NEGR1: variants seen among roughly 807,000 people sequenced by gnomAD.
NEGR1 encodes the protein IgLON family member 4.
In NEGR1, 10 loss-of-function variants were observed where a neutral mutation model predicts 40.9. The observed-to-expected ratio is 0.24, with a 90% CI of 0.15 to 0.42. The LOEUF (loss-of-function observed/expected upper bound fraction) is 0.42, where lower values mean the gene tolerates loss of function less well. NEGR1 is among the 10% of genes least tolerant of loss of function. The pLI is 1.00. For synonymous variants in NEGR1, 185 were observed against 166.8 expected, an observed-to-expected ratio of 1.11 and a Z score of -0.84; for missense variants, 352 against 438.9, an observed-to-expected ratio of 0.80 and a Z score of 1.77.
At chr1:72,133,874 A>G (rs972191109) in intron 1 of NEGR1, among the ~76,000 whole-genome samples, 2 of 151,870 alleles carry the variant, frequency 1.3e-5, no homozygotes, top group South Asian at 4.1e-4. Flanking sequence ...ATCGAGTTTT[A>G]CAGTACTATT....
At chr1:71,699,610 G>A (rs1206987813) in intron 3 of NEGR1, among the ~76,000 whole-genome samples, 1 of 151,688 alleles carries the variant, frequency 6.6e-6, no homozygotes. Context: ...AAATTATAAA[G>A]AGTAAGGATG....
At chr1:72,272,084 T>C (rs1655866049) in intron 1 of NEGR1, among the ~76,000 whole-genome samples, 1 of 152,038 alleles carries the variant, frequency 6.6e-6, no homozygotes, top group Non-Finnish European at 1.5e-5. Context: ...TTTTCAGTTA[T>C]GTAATAAATT....
At chr1:71,430,241 T>C (rs1163111260) in intron 6 of NEGR1, among the ~76,000 whole-genome samples, 1 of 152,144 alleles carries the variant, frequency 6.6e-6, no homozygotes, top group Non-Finnish European at 1.5e-5. Context: ...ACACGTTTCC[T>C]TTCTGCTCTT....
intron 6 of NEGR1, among the ~76,000 whole-genome samples, chr1:71,478,007 T>C (rs1646832699): frequency 6.6e-6 from 1 of 152,068 alleles, no homozygotes; most frequent in Non-Finnish European, 1.5e-5. Flanking sequence ...GTGTTTTCTT[T>C]CCCAATAAGC....
At chr1:71,639,218 A>AG (rs914340945) in intron 4 of NEGR1, among the ~76,000 whole-genome samples, 7 of 151,724 alleles carry the variant, frequency 4.6e-5, no homozygotes, top group Non-Finnish European at 1.0e-4. Flanking sequence ...AAAAAAAAAA[A>AG]AAAAACAGGA....
chr1:71,524,901 G>T (rs1341470589), intron 6 of NEGR1, among the ~76,000 whole-genome samples: 1 of 151,718 alleles, frequency 6.6e-6, no homozygotes, highest in Non-Finnish European at 1.5e-5. Flanking sequence ...ATGAGCAAAA[G>T]AACATGGACA....
chr1:72,121,072 A>C (rs1006832177), intron 1 of NEGR1, among the ~76,000 whole-genome samples: 4 of 152,048 alleles, frequency 2.6e-5, no homozygotes, highest in Non-Finnish European at 4.4e-5. Context: ...TTCACAGTGT[A>C]GTCATTTTCT....
intron 1 of NEGR1, among the ~76,000 whole-genome samples, chr1:72,155,415 A>C (rs551055638): frequency 6.6e-6 from 1 of 152,196 alleles, no homozygotes; most frequent in African/African-American, 2.4e-5. Flanking sequence ...AAGAACAATC[A>C]GATTTCAATT....
At chr1:71,785,139 A>G (rs1656864078) in intron 2 of NEGR1, among the ~76,000 whole-genome samples, 4 of 152,198 alleles carry the variant, frequency 2.6e-5, no homozygotes, top group Admixed American at 2.6e-4. Context: ...TCAAAGATAT[A>G]AAACACTGCT....
chr1:71,469,066 T>C (rs1277260200), intron 6 of NEGR1, among the ~76,000 whole-genome samples: 1 of 151,958 alleles, frequency 6.6e-6, no homozygotes, highest in Non-Finnish European at 1.5e-5. Flanking sequence ...AGTGCTATAG[T>C]TATTTGGGAT....
chr1:71,963,797 AT>A (rs988608481), intron 1 of NEGR1, among the ~76,000 whole-genome samples: 2 of 152,070 alleles, frequency 1.3e-5, no homozygotes, highest in Admixed American at 6.6e-5. Context: ...TCATTTTCTC[AT>A]TTTTTTGACA....
chr1:71,555,396 T>C (rs1027704052), intron 6 of NEGR1, among the ~76,000 whole-genome samples: 1 of 151,608 alleles, frequency 6.6e-6, no homozygotes, highest in Non-Finnish European at 1.5e-5. Flanking sequence ...TCCTGCCCTA[T>C]AGGGTAATTT....
At chr1:71,503,190 C>T (rs545440044) in intron 6 of NEGR1, among the ~76,000 whole-genome samples, 124 of 152,250 alleles carry the variant, frequency 8.1e-4, no homozygotes, top group Admixed American at 1.4e-3. Context: ...TGTAACCCTT[C>T]GGTCTTTTGG....
chr1:71,593,432 T>A (rs1472318888), intron 5 of NEGR1, among the ~76,000 whole-genome samples: 1 of 152,144 alleles, frequency 6.6e-6, no homozygotes, highest in Non-Finnish European at 1.5e-5. Flanking sequence ...ACCCTACAAC[T>A]GTGATAGGAT....
At chr1:71,874,794 A>C (rs968064887) in intron 2 of NEGR1, among the ~76,000 whole-genome samples, 2 of 152,054 alleles carry the variant, frequency 1.3e-5, no homozygotes, top group African/African-American at 4.8e-5. Flanking sequence ...TGTTCTGTGG[A>C]TATTGATTGC....
At position 71,988,923 on chromosome 1, in the gene NEGR1, T is replaced by TAAAAAAAAA. The variant is rs10604833; in HGVS notation, c.177-53621_177-53613dup. On this transcript the variant is annotated intron_variant, in intron 1 of 6. Coordinates refer to ENST00000357731, the MANE Select transcript of NEGR1 (RefSeq NM_173808.3). ...CAATGAGCTCTATCATATTGGATGT[T>TAAAAAAAAA]AAAAAAAAAAAAAAAAAAAAAAAAA... Among the ~76,000 whole-genome samples, 7 of 82,234 alleles carry TAAAAAAAAA rather than the reference T, an allele frequency of 8.5e-5. 2 individuals carry two copies. Among genetic ancestry groups the TAAAAAAAAA allele is most frequent in the African/African-American group, 4.0e-4 (7 of 17,440 alleles). The allele number at this position is 82,234 out of a possible 152,430, so 53.9% of individuals were successfully genotyped here.
At chr1:71,858,914 T>C (rs916223894) in intron 2 of NEGR1, among the ~76,000 whole-genome samples, 4 of 152,032 alleles carry the variant, frequency 2.6e-5, no homozygotes, top group African/African-American at 9.7e-5. Flanking sequence ...CCAATGCTGC[T>C]CCTATTTTCC....
chr1:71,803,366 G>T (rs1030525646), intron 2 of NEGR1, among the ~76,000 whole-genome samples: 1 of 152,108 alleles, frequency 6.6e-6, no homozygotes, highest in African/African-American at 2.4e-5. Flanking sequence ...ACTATCTTTA[G>T]TTAAGTCACT....
intron 2 of NEGR1, among the ~76,000 whole-genome samples, chr1:71,808,591 G>C (rs1194410147): frequency 6.6e-6 from 1 of 152,042 alleles, no homozygotes; most frequent in Non-Finnish European, 1.5e-5. Flanking sequence ...TACTGTAACT[G>C]CATGATTTTA....
Sources: gnomAD v4.1 joint callset for allele counts (sites outside exome capture counted in the v4.1 genomes callset) on GRCh38, gnomAD v4.1.1 for gene constraint, MANE v1.5 for transcripts, NCBI Gene and HGNC (gene_info 2026-07-23, HGNC 2026-07-21) for gene names.